Variants in TMEM38B observed in about 807,000 individuals in gnomAD.
TMEM38B encodes the protein trimeric intracellular cation channel type B.
A neutral mutation model predicts 28.7 loss-of-function variants in TMEM38B; 24 were observed. The observed-to-expected ratio is 0.84, with a 90% CI of 0.61 to 1.18. The LOEUF (loss-of-function observed/expected upper bound fraction) is 1.18, where lower values mean the gene tolerates loss of function less well. Among genes scored for constraint, TMEM38B ranks in the 50% most tolerant of loss-of-function variants. The probability of loss-of-function intolerance (pLI) is 0.00; values close to 1 mark genes in which losing one functional copy is unlikely to be tolerated. For missense variants in TMEM38B, 380 were observed against 350.9 expected (o/e 1.08, Z -0.66); for synonymous variants, 131 against 127.7 (o/e 1.03, Z -0.17).
intron 4 of TMEM38B, among the ~76,000 whole-genome samples, chr9:105,734,096 T>G (rs1161046461): frequency 2.0e-5 from 3 of 152,174 alleles, no homozygotes; most frequent in African/African-American, 7.2e-5. Flanking sequence ...ACTTCCCTCT[T>G]AGACCCACTT....
chr9:105,766,224 C>T (rs770966171), intron 5 of TMEM38B, among the ~76,000 whole-genome samples: 7 of 152,120 alleles, frequency 4.6e-5, no homozygotes, highest in Non-Finnish European at 7.3e-5. Context: ...TTTTACATTC[C>T]CACTAGCAAT....
At chr9:105,761,369 T>C (rs1462664418) in intron 5 of TMEM38B, among the ~76,000 whole-genome samples, 1 of 152,046 alleles carries the variant, frequency 6.6e-6, no homozygotes, top group East Asian at 1.9e-4. Flanking sequence ...ATTTGTTTAA[T>C]ATATATATGT....
At chr9:105,713,497 C>T (rs143417154) in intron 2 of TMEM38B, among the ~76,000 whole-genome samples, 67 of 152,300 alleles carry the variant, frequency 4.4e-4, no homozygotes, top group African/African-American at 1.6e-3. Context: ...GACGTGCCAG[C>T]CCCCTGCCAC....
intron 4 of TMEM38B, among the ~76,000 whole-genome samples, chr9:105,738,972 C>T (rs866512536): frequency 1.3e-5 from 2 of 152,186 alleles, no homozygotes; most frequent in African/African-American, 4.8e-5. Context: ...ATACTCCTGC[C>T]TAGTCTCCCA....
chr9:105,740,684 G>A lies in TMEM38B; in HGVS notation c.543-7389G>A, dbSNP rs184312568. Reference sequence around the variant, plus strand: ...GTCCTGCCAAAAACGAAGTCAAGTTGTCCCCTGTCCCCACAAGTAACTCTT... The same window carrying A: ...GTCCTGCCAAAAACGAAGTCAAGTTATCCCCTGTCCCCACAAGTAACTCTT... On this transcript the variant is annotated intron_variant, in intron 4 of 5. Coordinates refer to ENST00000374692, the MANE Select transcript of TMEM38B (RefSeq NM_018112.3). Among the ~76,000 whole-genome samples, 617 of 152,216 alleles carry A rather than the reference G, an allele frequency of 4.1e-3. 4 individuals are homozygous for A. The highest frequency in any genetic ancestry group is 6.8e-3 in the Non-Finnish European group (462 of 68,006).
At chr9:105,771,363 G>A (rs1035216592) in intron 5 of TMEM38B, among the ~76,000 whole-genome samples, 1 of 152,162 alleles carries the variant, frequency 6.6e-6, no homozygotes. Context: ...GTCTATCTCA[G>A]CTGTAATTTC....
intron 4 of TMEM38B, among the ~76,000 whole-genome samples, chr9:105,740,368 G>A (rs1236283683): frequency 1.3e-5 from 2 of 149,482 alleles, no homozygotes; most frequent in African/African-American, 4.9e-5. Context: ...CCAGGCTCTA[G>A]TGATCCTCCC....
chr9:105,745,212 A>T (rs969783432), intron 4 of TMEM38B, among the ~76,000 whole-genome samples: 6 of 152,288 alleles, frequency 3.9e-5, no homozygotes, highest in Admixed American at 2.0e-4. Flanking sequence ...AACAGTGTAA[A>T]AGTGTTCCTA....
intron 5 of TMEM38B, among the ~76,000 whole-genome samples, chr9:105,750,886 T>TA (rs1272577309): frequency 6.6e-6 from 1 of 152,232 alleles, no homozygotes; most frequent in Non-Finnish European, 1.5e-5. Context: ...CTATTTATTG[T>TA]AAAAACCGTT....
chr9:105,759,148 T>C (rs777678428), intron 5 of TMEM38B: 27 of 770,844 alleles, frequency 3.5e-5, no homozygotes, highest in Non-Finnish European at 5.8e-5. Context: ...GAACAAGATA[T>C]ATTCAGCACA....
At chr9:105,739,409 G>T (rs1442042090) in intron 4 of TMEM38B, among the ~76,000 whole-genome samples, 2 of 148,684 alleles carry the variant, frequency 1.3e-5, no homozygotes, top group African/African-American at 5.0e-5. Context: ...TTCCATTTCT[G>T]CAAAACAAAA....
Position 105,762,504 on chromosome 9 carries a change from G to A in TMEM38B, c.661-11361G>A, listed in dbSNP as rs535025342. Among the ~76,000 whole-genome samples the A allele has an allele frequency of 7.4e-5, 11 of 147,876 alleles. No homozygotes were observed. In the South Asian group the frequency reaches 1.1e-3, roughly 15 times the overall value. On this transcript the variant is annotated intron_variant, in intron 5 of 5. Coordinates refer to ENST00000374692, the MANE Select transcript of TMEM38B (RefSeq NM_018112.3). Reference sequence around the variant, plus strand: ...TTCCCACCTATGAGTGAGAATATGCGGTGTTTGGTTTTTTGTCCTTGCGAT... The same window carrying A: ...TTCCCACCTATGAGTGAGAATATGCAGTGTTTGGTTTTTTGTCCTTGCGAT...
At chr9:105,723,834 C>G (rs1836415726) in intron 4 of TMEM38B, among the ~76,000 whole-genome samples, 1 of 141,702 alleles carries the variant, frequency 7.1e-6, no homozygotes, top group African/African-American at 2.6e-5. Context: ...TGGCCGAACT[C>G]AGTCTTTATT....
chr9:105,698,883 A>G (rs910904980), intron 1 of TMEM38B, among the ~76,000 whole-genome samples: 4 of 152,066 alleles, frequency 2.6e-5, no homozygotes, highest in South Asian at 2.1e-4. Flanking sequence ...TTTTTTTCCA[A>G]TCCAGACCTA....
Position 105,758,094 on chromosome 9 carries a change from CCACTGCCCAGGCCGCTG to C in TMEM38B, c.660+9905_660+9921del. On this transcript the variant is annotated intron_variant, in intron 5 of 5. Transcript: ENST00000374692. ...GGGCCAGTGGTTGTGCTGAGACTCG[CCACTGCCCAGGCCGCTG>C]GGCCTGAGTGTTGCCTTCGCTGCCA... is the stretch of plus-strand genomic sequence containing the variant. 9.8e-6 allele frequency: 4 copies of C among 409,620 alleles called. No homozygotes were observed. The South Asian group carries it at 1.4e-4, about 15-fold the overall frequency. 25.4% of individuals were successfully genotyped at this position (409,620 alleles called of 1,614,324 possible).
At chr9:105,756,799 C>T (rs144950211) in intron 5 of TMEM38B, among the ~76,000 whole-genome samples, 4 of 152,116 alleles carry the variant, frequency 2.6e-5, no homozygotes, top group East Asian at 1.9e-4. Context: ...AAAGTATATC[C>T]ACCAGTTTCT....
At chr9:105,710,012 G>T (rs1473228482) in intron 2 of TMEM38B, among the ~76,000 whole-genome samples, 1 of 152,168 alleles carries the variant, frequency 6.6e-6, no homozygotes, top group African/African-American at 2.4e-5. Flanking sequence ...CATATTTAGG[G>T]ATTAGTTTCC....
chr9:105,762,876 AG>A (rs1236716441), intron 5 of TMEM38B, among the ~76,000 whole-genome samples: 2 of 145,810 alleles, frequency 1.4e-5, no homozygotes, highest in Admixed American at 1.4e-4. Flanking sequence ...TCCCACCAAC[AG>A]TGTAAAAGTG....
At chr9:105,761,667 G>A (rs1205246778) in intron 5 of TMEM38B, among the ~76,000 whole-genome samples, 1 of 152,158 alleles carries the variant, frequency 6.6e-6, no homozygotes. Flanking sequence ...GATGGAACAG[G>A]TCTCTAAGCT....
Sources: gnomAD v4.1 joint callset for allele counts (sites outside exome capture counted in the v4.1 genomes callset) on GRCh38, gnomAD v4.1.1 for gene constraint, MANE v1.5 for transcripts, NCBI Gene and HGNC (gene_info 2026-07-23, HGNC 2026-07-21) for gene names.